SFXN1: variants seen among roughly 807,000 people sequenced by gnomAD.
SFXN1 encodes the protein sideroflexin-1.
Under a neutral mutation model 39.5 loss-of-function variants are expected in SFXN1, and 32 were observed. The ratio of observed to expected loss-of-function variants is 0.81; its 90% confidence interval spans 0.61 to 1.09. The LOEUF (loss-of-function observed/expected upper bound fraction) is 1.09. Among genes scored for constraint, SFXN1 ranks in the 50% least tolerant of loss-of-function variants. The probability of loss-of-function intolerance (pLI) is 0.00; values close to 1 mark genes in which losing one functional copy is unlikely to be tolerated. For synonymous variants in SFXN1, 136 were observed against 146.5 expected, an observed-to-expected ratio of 0.93 and a Z score of 0.52; for missense variants, 402 against 407.1, an observed-to-expected ratio of 0.99 and a Z score of 0.11.
chr5:175,508,751 C>T (rs1466286427), intron 2 of SFXN1, among the ~76,000 whole-genome samples: 2 of 152,136 alleles, frequency 1.3e-5, no homozygotes, highest in African/African-American at 4.8e-5. Context: ...AATTCTCTTG[C>T]CTTAGCCTCC....
At chr5:175,509,955 C>G (rs1234104326) in intron 3 of SFXN1, among the ~76,000 whole-genome samples, 154 bp from the exon 4 acceptor site, 2 of 152,166 alleles carry the variant, frequency 1.3e-5, no homozygotes, top group Non-Finnish European at 2.9e-5. Context: ...AGGATAAAAG[C>G]TTGCCCAGCA....
intron 1 of SFXN1, among the ~76,000 whole-genome samples, chr5:175,483,166 G>A (rs1226196889): frequency 2.0e-5 from 3 of 152,020 alleles, no homozygotes; most frequent in African/African-American, 7.3e-5. Flanking sequence ...CTTTTTAGGG[G>A]TAAAATAATT....
chr5:175,526,872 AGCTGCT>A lies in SFXN1; in HGVS notation c.*139_*144del. The A allele has an allele frequency of 1.4e-6, 1 of 710,990 alleles. No individual in the cohort carries two copies. Among genetic ancestry groups the A allele is most frequent in the South Asian group, 1.8e-5 (1 of 56,956 alleles). The allele number at this position is 710,990 out of a possible 1,614,324, so 44.0% of individuals were successfully genotyped here. On this transcript the variant is annotated 3_prime_UTR_variant, in exon 11 of 11. Coordinates refer to ENST00000321442, the MANE Select transcript of SFXN1 (RefSeq NM_022754.7). ...GATCCACATTAGCCTTTTAGAATAA[AGCTGCT>A]ACTTTAACAGAGCACCTGGCGTGGG...
intron 2 of SFXN1, among the ~76,000 whole-genome samples, chr5:175,505,363 C>T (rs1261706943): frequency 6.0e-5 from 9 of 151,238 alleles, no homozygotes; most frequent in African/African-American, 2.2e-4. Context: ...GGTGAAACCC[C>T]ATCTCTACTA....
intron 1 of SFXN1, among the ~76,000 whole-genome samples, chr5:175,479,700 CT>C (rs894772217): frequency 3.3e-5 from 5 of 152,180 alleles, no homozygotes; most frequent in African/African-American, 1.2e-4. Flanking sequence ...TATTTGTTGA[CT>C]GCCTGAACGA....
In SFXN1 at chr5:175,513,520, G is replaced by A. The variant is rs763427303; in HGVS notation, c.654G>A (p.Ser218=). The change falls in exon 7 of 11, where the codon TCG becomes TCA. Residue 218 remains serine, a synonymous_variant. Transcript: ENST00000321442. ...TDENGNRLGE[S]ANAAKQAITQ... is the part of the protein sequence containing the mutation. ...AGAATGGGAACCGCTTGGGGGAGTC[G>A]GCGAACGCTGCGAAACAAGCCATCA... 7.4e-6 allele frequency: 12 copies of A among 1,613,730 alleles called. No homozygotes were observed. The highest frequency in any genetic ancestry group is 2.7e-5 in the African/African-American group (2 of 74,818).
At chr5:175,506,159 C>G (rs1038723132) in intron 2 of SFXN1, among the ~76,000 whole-genome samples, 1 of 152,108 alleles carries the variant, frequency 6.6e-6, no homozygotes, top group East Asian at 1.9e-4. Context: ...CATTAAAAAC[C>G]TAAATGACAA....
intron 1 of SFXN1, among the ~76,000 whole-genome samples, chr5:175,480,136 T>C (rs1327314691): frequency 1.3e-5 from 2 of 152,138 alleles, no homozygotes; most frequent in Non-Finnish European, 2.9e-5. Context: ...GCGCGGTGGC[T>C]CACGCCTGTA....
chr5:175,510,031 A>G, intron 3 of SFXN1, 78 bp from the exon 4 acceptor site: 1 of 1,124,876 alleles, frequency 8.9e-7, no homozygotes, highest in Non-Finnish European at 1.3e-6. Context: ...CTCTCTGGTT[A>G]CTGGTGTTCA....
chr5:175,510,970 G>A (rs1397278694), intron 4 of SFXN1, among the ~76,000 whole-genome samples: 3 of 152,054 alleles, frequency 2.0e-5, no homozygotes, highest in Non-Finnish European at 4.4e-5. Flanking sequence ...ATAGTTTTTG[G>A]ATGATAAGAC....
chr5:175,516,026 G>A (rs1760707904), intron 7 of SFXN1, among the ~76,000 whole-genome samples: 1 of 151,030 alleles, frequency 6.6e-6, no homozygotes, highest in Non-Finnish European at 1.5e-5. Context: ...AGGCTCCTGT[G>A]AGAATGTAAT....
intron 7 of SFXN1, among the ~76,000 whole-genome samples, chr5:175,515,517 A>G (rs1344329391): frequency 6.6e-6 from 1 of 152,216 alleles, no homozygotes; most frequent in Non-Finnish European, 1.5e-5. Flanking sequence ...GTTTAGCCTG[A>G]TAAAAGTTGT....
chr5:175,527,025 A>C lies in SFXN1; in HGVS notation c.*291A>C. 2.6e-6 allele frequency: 1 copy of C among 390,582 alleles called. No homozygotes were observed. The highest frequency in any genetic ancestry group is 4.7e-5 in the East Asian group (1 of 21,456). The allele number at this position is 390,582 out of a possible 1,614,324, so 24.2% of individuals were successfully genotyped here. A position where few individuals can be genotyped will look rare whatever the true frequency, so the allele number is the denominator to read the frequency against. ...ACCAGCCCTCACCCAGGTTTTAAAA[A>C]AGCACTGGTAGGCATAGAATAGGTG... is the stretch of plus-strand genomic sequence containing the variant. On this transcript the variant is annotated 3_prime_UTR_variant, in exon 11 of 11. Transcript: ENST00000321442.
chr5:175,512,864 C>T (rs1469428445), intron 6 of SFXN1, among the ~76,000 whole-genome samples: 2 of 152,168 alleles, frequency 1.3e-5, no homozygotes, highest in Non-Finnish European at 2.9e-5. Flanking sequence ...CAAATTTGCA[C>T]ATGAGCATAG....
intron 10 of SFXN1, among the ~76,000 whole-genome samples, chr5:175,524,832 A>T (rs1761011193): frequency 6.6e-6 from 1 of 152,148 alleles, no homozygotes; most frequent in Admixed American, 6.5e-5. Context: ...AATGAAAAAG[A>T]GGTATAACTG....
intron 1 of SFXN1, chr5:175,484,184 C>T (rs1283836506): frequency 6.6e-6 from 1 of 152,264 alleles, no homozygotes; most frequent in Non-Finnish European, 1.5e-5. Context: ...CTGTCCCTAT[C>T]CTAGGTCATG....
chr5:175,487,417 G>A (rs930471517), intron 1 of SFXN1, among the ~76,000 whole-genome samples: 2 of 151,994 alleles, frequency 1.3e-5, no homozygotes, highest in African/African-American at 4.8e-5. Context: ...ACCTCCTCCC[G>A]CTTCACTATC....
intron 2 of SFXN1, among the ~76,000 whole-genome samples, chr5:175,494,775 T>G (rs1393418011): frequency 2.7e-5 from 4 of 148,682 alleles, no homozygotes; most frequent in Non-Finnish European, 4.5e-5. Flanking sequence ...AGAAAAAATA[T>G]GTAAAATATG....
At chr5:175,480,361 A>G (rs1012618662) in intron 1 of SFXN1, among the ~76,000 whole-genome samples, 3 of 152,018 alleles carry the variant, frequency 2.0e-5, no homozygotes, top group Non-Finnish European at 4.4e-5. Context: ...AGATCGCGCC[A>G]CTGCACTCCA....
Sources: gnomAD v4.1 joint callset for allele counts (sites outside exome capture counted in the v4.1 genomes callset) on GRCh38, gnomAD v4.1.1 for gene constraint, MANE v1.5 for transcripts, NCBI Gene and HGNC (gene_info 2026-07-23, HGNC 2026-07-21) for gene names.